HS6ST3: variants seen among roughly 807,000 people sequenced by gnomAD.
The protein encoded by HS6ST3 is heparan-sulfate 6-O-sulfotransferase 3.
In HS6ST3, 12 loss-of-function variants were observed where a neutral mutation model predicts 36.7. The observed-to-expected ratio is 0.33, with a 90% CI of 0.21 to 0.53. HS6ST3 has a LOEUF of 0.53. Among genes scored for constraint, HS6ST3 ranks in the 20% least tolerant of loss-of-function variants. HS6ST3 has a pLI of 0.95. For missense variants in HS6ST3, 584 were observed against 640.9 expected, an observed-to-expected ratio of 0.91 and a Z score of 0.96; for synonymous variants, 240 against 257.5, an observed-to-expected ratio of 0.93 and a Z score of 0.65.
chr13:96,754,548 A>G (rs979910638), intron 1 of HS6ST3, among the ~76,000 whole-genome samples: 10 of 152,194 alleles, frequency 6.6e-5, no homozygotes, highest in African/African-American at 2.4e-4. Context: ...CTCTTTTTCT[A>G]TCCCACTTTT....
intron 1 of HS6ST3, among the ~76,000 whole-genome samples, chr13:96,643,468 T>C (rs1476183216): frequency 6.6e-6 from 1 of 151,980 alleles, no homozygotes; most frequent in Non-Finnish European, 1.5e-5. Context: ...TCATTACCTA[T>C]GTTTTCCTTT....
At chr13:96,467,752 C>T (rs556068636) in intron 1 of HS6ST3, among the ~76,000 whole-genome samples, 1 of 152,276 alleles carries the variant, frequency 6.6e-6, no homozygotes, top group Admixed American at 6.5e-5. Flanking sequence ...CATTTGTCAC[C>T]ATTTTGCTGA....
chr13:96,677,639 G>A (rs1043078059), intron 1 of HS6ST3, among the ~76,000 whole-genome samples: 1 of 151,932 alleles, frequency 6.6e-6, no homozygotes, highest in Non-Finnish European at 1.5e-5. Flanking sequence ...TCTTCCTTAA[G>A]CTATATTTCT....
At chr13:96,666,891 A>G (rs1038216842) in intron 1 of HS6ST3, among the ~76,000 whole-genome samples, 3 of 152,170 alleles carry the variant, frequency 2.0e-5, no homozygotes, top group Non-Finnish European at 4.4e-5. Flanking sequence ...TTTATGTAAC[A>G]TTTTACATTA....
At position 96,351,320 on chromosome 13, in the gene HS6ST3, C is replaced by CTTTTTTTTT. The variant is rs11348541; in HGVS notation, c.707+259758_707+259766dup. On this transcript the variant is annotated intron_variant, in intron 1 of 1. Transcript: ENST00000376705. ...TCCCCAAACTGGGGAAGGTGGCAGT[C>CTTTTTTTTT]TTTTTTTTTTTTTTTAAAAAAAACA... Among the ~76,000 whole-genome samples, 15 of 143,142 alleles carry CTTTTTTTTT rather than the reference C, an allele frequency of 1.0e-4. No homozygotes were observed. The South Asian group carries it at 1.3e-3, about 12-fold the overall frequency. 93.9% of individuals were successfully genotyped at this position (143,142 alleles called of 152,430 possible). A position where few individuals can be genotyped will look rare whatever the true frequency, so the allele number is the denominator to read the frequency against.
chr13:96,247,714 C>G (rs941504392), intron 1 of HS6ST3, among the ~76,000 whole-genome samples: 1 of 152,122 alleles, frequency 6.6e-6, no homozygotes, highest in Non-Finnish European at 1.5e-5. Context: ...TTTCCTCCTT[C>G]CCTTCCTTTT....
At chr13:96,415,163 T>A (rs1315998116) in intron 1 of HS6ST3, among the ~76,000 whole-genome samples, 2 of 152,190 alleles carry the variant, frequency 1.3e-5, no homozygotes, top group Non-Finnish European at 2.9e-5. Flanking sequence ...CCATTTTGAA[T>A]CTTCTCACAG....
At chr13:96,471,415 C>T (rs7991599) in intron 1 of HS6ST3, among the ~76,000 whole-genome samples, 2 of 152,216 alleles carry the variant, frequency 1.3e-5, no homozygotes, top group African/African-American at 2.4e-5. Context: ...GTGGTAGAAA[C>T]GTGGCTTCTG....
At chr13:96,678,009 G>T (rs1249376324) in intron 1 of HS6ST3, among the ~76,000 whole-genome samples, 1 of 152,046 alleles carries the variant, frequency 6.6e-6, no homozygotes, top group African/African-American at 2.4e-5. Flanking sequence ...ATAATCAATA[G>T]AAATGTATTG....
At chr13:96,774,055 C>T (rs1486135487) in intron 1 of HS6ST3, among the ~76,000 whole-genome samples, 2 of 152,108 alleles carry the variant, frequency 1.3e-5, no homozygotes, top group Non-Finnish European at 2.9e-5. Context: ...AGTGGACCTC[C>T]GGCAAACTCC....
intron 1 of HS6ST3, among the ~76,000 whole-genome samples, chr13:96,538,530 G>C (rs1344461023): frequency 1.3e-5 from 2 of 152,166 alleles, no homozygotes; most frequent in Non-Finnish European, 2.9e-5. Context: ...TGCAACCTCC[G>C]CCTCCTGGGT....
chr13:96,729,200 G>T (rs1876081156), intron 1 of HS6ST3, among the ~76,000 whole-genome samples: 1 of 152,026 alleles, frequency 6.6e-6, no homozygotes, highest in Non-Finnish European at 1.5e-5. Flanking sequence ...TTTTCCTTTA[G>T]GGTATTAAAT....
chr13:96,115,699 T>G (rs188503075), intron 1 of HS6ST3, among the ~76,000 whole-genome samples: 2 of 152,340 alleles, frequency 1.3e-5, no homozygotes, highest in East Asian at 3.9e-4. Context: ...AGTGCTGCAG[T>G]GAACATACAC....
At chr13:96,276,222 T>C (rs1388648931) in intron 1 of HS6ST3, among the ~76,000 whole-genome samples, 1 of 152,150 alleles carries the variant, frequency 6.6e-6, no homozygotes, top group Non-Finnish European at 1.5e-5. Context: ...CCCACCATTT[T>C]TCCACTGAGG....
At chr13:96,756,020 T>C (rs1271977542) in intron 1 of HS6ST3, among the ~76,000 whole-genome samples, 1 of 152,208 alleles carries the variant, frequency 6.6e-6, no homozygotes, top group African/African-American at 2.4e-5. Context: ...GCCATTGTAG[T>C]AAGTGTGAAA....
chr13:96,768,425 T>C (rs574747503), intron 1 of HS6ST3, among the ~76,000 whole-genome samples: 1 of 152,324 alleles, frequency 6.6e-6, no homozygotes, highest in East Asian at 1.9e-4. Context: ...AAGCCTTTCT[T>C]AGCAAATGAT....
At chr13:96,778,721 G>A (rs1372754264) in intron 1 of HS6ST3, among the ~76,000 whole-genome samples, 1 of 152,192 alleles carries the variant, frequency 6.6e-6, no homozygotes, top group Non-Finnish European at 1.5e-5. Context: ...CACTGTTGGT[G>A]GGAGAGTAAA....
At chr13:96,567,024 G>A (rs2056283785) in intron 1 of HS6ST3, among the ~76,000 whole-genome samples, 1 of 152,022 alleles carries the variant, frequency 6.6e-6, no homozygotes, top group African/African-American at 2.4e-5. Flanking sequence ...GGGAAAGACT[G>A]AAAAAATGTA....
At chr13:96,556,455 TATTTTATTTG>T (rs895413658) in intron 1 of HS6ST3, among the ~76,000 whole-genome samples, 12 of 152,128 alleles carry the variant, frequency 7.9e-5, no homozygotes, top group African/African-American at 2.9e-4. Context: ...GCATAAGCAA[TATTTTATTTG>T]GGTTTTACAC....
Sources: allele counts gnomAD v4.1 joint callset (sites outside exome capture counted in the v4.1 genomes callset), GRCh38; gene constraint gnomAD v4.1.1; transcripts MANE v1.5; gene names NCBI Gene and HGNC (gene_info 2026-07-23, HGNC 2026-07-21).